MAP2K5: variants seen among roughly 807,000 people sequenced by gnomAD.
MAP2K5 encodes the protein dual specificity mitogen-activated protein kinase kinase 5.
In MAP2K5, 49 loss-of-function variants were observed where a neutral mutation model predicts 83.1. That is an observed-to-expected ratio of 0.59 (90% CI 0.47 to 0.75). The LOEUF is 0.75. MAP2K5 is among the 30% of genes least tolerant of loss of function. The pLI, the probability that MAP2K5 is intolerant of heterozygous loss-of-function variation, is 0.00. For missense variants in MAP2K5, 457 were observed against 557.5 expected (o/e 0.82, Z 1.82); for synonymous variants, 202 against 191.8 (o/e 1.05, Z -0.44).
rs950963347 is a variant in MAP2K5, at chr15:67,698,376, TG to T, written c.972+4814del. On this transcript the variant is annotated intron_variant, in intron 15 of 21. Transcript: ENST00000178640. This position sits in a 1 kb window ranked among gnomAD's most constrained non-coding sequence, Gnocchi z 4.5. ...CTAATTTTTGTATTTTTAGTAGAGA[TG>T]GGGGGTTGCGCCATGTTGGCCATGC... 6.6e-6 allele frequency among the ~76,000 whole-genome samples: 1 copy of T among 151,840 alleles called. No individual in the cohort carries two copies. Among genetic ancestry groups the T allele is most frequent in the Non-Finnish European group, 1.5e-5 (1 of 67,938 alleles).
chr15:67,675,808 G>A (rs1036115274), intron 13 of MAP2K5, among the ~76,000 whole-genome samples: 3 of 152,076 alleles, frequency 2.0e-5, no homozygotes, highest in African/African-American at 7.2e-5. Flanking sequence ...ATGCTTCTGT[G>A]GTAGGATTTG....
At chr15:67,619,896 G>A (rs1051188789) in intron 8 of MAP2K5, among the ~76,000 whole-genome samples, 11 of 152,012 alleles carry the variant, frequency 7.2e-5, no homozygotes, top group Non-Finnish European at 1.0e-4. Context: ...TGAGACCTCC[G>A]TTCTGCAAAA....
At position 67,775,455 on chromosome 15, in the gene MAP2K5, C is replaced by G. The variant is rs895302376; in HGVS notation, c.1242+2703C>G. Among the ~76,000 whole-genome samples, 1 of 152,192 alleles carries G rather than the reference C, an allele frequency of 6.6e-6. No homozygotes were observed. The highest frequency in any genetic ancestry group is 6.5e-5 in the Admixed American group (1 of 15,278). On this transcript the variant is annotated intron_variant, in intron 21 of 21. Coordinates refer to ENST00000178640, the MANE Select transcript of MAP2K5 (RefSeq NM_145160.3). This position sits in a 1 kb window ranked among gnomAD's most constrained non-coding sequence, Gnocchi z 5.3. ...CATGAAGCTACATCAGAAGTGCTCTCAAAAGTTTTATCAGCATCTGCATCA... is the reference window on the plus strand; with the variant it reads ...CATGAAGCTACATCAGAAGTGCTCTGAAAAGTTTTATCAGCATCTGCATCA...
intron 12 of MAP2K5, among the ~76,000 whole-genome samples, chr15:67,662,734 T>G (rs1221522499): frequency 1.3e-5 from 2 of 152,140 alleles, no homozygotes; most frequent in African/African-American, 4.8e-5. Flanking sequence ...CAGTATCTCA[T>G]TCAACTAATT....
intron 7 of MAP2K5, among the ~76,000 whole-genome samples, chr15:67,594,670 A>T (rs1596617122): frequency 6.6e-6 from 1 of 152,150 alleles, no homozygotes; most frequent in Non-Finnish European, 1.5e-5. Context: ...ATATGGTGGG[A>T]GGTTGTCCTG....
At chr15:67,582,176 C>T (rs1417945118) in intron 4 of MAP2K5, among the ~76,000 whole-genome samples, 1 of 151,710 alleles carries the variant, frequency 6.6e-6, no homozygotes, top group African/African-American at 2.4e-5. Flanking sequence ...ATTCTCCTGC[C>T]TCAGCCTCCT....
chr15:67,699,049 G>A (rs1413691588), intron 15 of MAP2K5, among the ~76,000 whole-genome samples: 1 of 152,036 alleles, frequency 6.6e-6, no homozygotes, highest in African/African-American at 2.4e-5. Context: ...GCAATTTAAT[G>A]AGGACATCAG....
At chr15:67,728,022 C>A in intron 17 of MAP2K5, 77 bp downstream of exon 17, 3 of 1,174,526 alleles carry the variant, frequency 2.6e-6, no homozygotes, top group Non-Finnish European at 2.6e-6. Context: ...CAATTGTGAA[C>A]ATTTGAGCCA....
At chr15:67,756,810 C>T (rs372393331) in intron 19 of MAP2K5, among the ~76,000 whole-genome samples, 1 of 152,074 alleles carries the variant, frequency 6.6e-6, no homozygotes, top group South Asian at 2.1e-4. Flanking sequence ...GTCTGACTTA[C>T]TTCACTTAGC....
chr15:67,547,907 AC>A (rs1241677576), intron 1 of MAP2K5, among the ~76,000 whole-genome samples: 1 of 152,220 alleles, frequency 6.6e-6, no homozygotes, highest in Non-Finnish European at 1.5e-5. Context: ...AGTAGATATT[AC>A]TGATGTTTAA....
rs2090262671 is a variant in MAP2K5, at chr15:67,777,616, C to A, written c.1242+4864C>A. On this transcript the variant is annotated intron_variant, in intron 21 of 21. Coordinates refer to ENST00000178640, the MANE Select transcript of MAP2K5 (RefSeq NM_145160.3). The surrounding 1 kb of genome is among the most constrained non-coding windows in gnomAD (Gnocchi z 6.0). ...ATGCGTGAGGCACAGCTGGATATTG[C>A]AGAGGAGTTTGATTTACTAATAGTT... Among the ~76,000 whole-genome samples the A allele has an allele frequency of 2.0e-5, 3 of 152,178 alleles. No homozygotes were observed. The highest frequency in any genetic ancestry group is 2.0e-4 in the Admixed American group (3 of 15,278).
rs1182109144 is a variant in MAP2K5 at position 67,806,842 on chromosome 15, G to A, written c.*92G>A. The A allele has an allele frequency of 1.3e-6, 2 of 1,596,896 alleles. No homozygotes were observed. The highest frequency in any genetic ancestry group is 1.3e-5 in the African/African-American group (1 of 74,888). On this transcript the variant is annotated 3_prime_UTR_variant, in exon 22 of 22. Coordinates refer to ENST00000178640, the MANE Select transcript of MAP2K5 (RefSeq NM_145160.3). Reference sequence around the variant, plus strand: ...TCCGTATGCTGCCTGCGCCAGAAGAGCTTTGCTGGGCCCTGGCTTCCCTGC... The same window carrying A: ...TCCGTATGCTGCCTGCGCCAGAAGAACTTTGCTGGGCCCTGGCTTCCCTGC...
intron 13 of MAP2K5, among the ~76,000 whole-genome samples, chr15:67,681,431 T>G (rs2087814086): frequency 6.6e-6 from 1 of 152,202 alleles, no homozygotes; most frequent in African/African-American, 2.4e-5. Flanking sequence ...AGCGGCACCT[T>G]CCAGGGCATC....
At chr15:67,554,289 G>T (rs186206542) in intron 2 of MAP2K5, among the ~76,000 whole-genome samples, 2 of 152,242 alleles carry the variant, frequency 1.3e-5, no homozygotes, top group Admixed American at 6.5e-5. Flanking sequence ...GAACTCCTGG[G>T]CTCAAGCAAT....
intron 13 of MAP2K5, among the ~76,000 whole-genome samples, chr15:67,673,221 T>C (rs2087591480): frequency 6.6e-6 from 1 of 152,090 alleles, no homozygotes; most frequent in South Asian, 2.1e-4. Context: ...ATCTTTTTGT[T>C]GTGAAACAAT....
In MAP2K5 at chr15:67,598,137, G is replaced by A. The variant is rs145855898; in HGVS notation, c.481-2548G>A. Reference sequence around the variant, plus strand: ...GGAGAATCATTTGAACTTGAGATGTGGAGTTTGCAGTGAGCCAAGTTCACA... The same window carrying A: ...GGAGAATCATTTGAACTTGAGATGTAGAGTTTGCAGTGAGCCAAGTTCACA... On this transcript the variant is annotated intron_variant, in intron 7 of 21. Transcript: ENST00000178640. 3.7e-3 allele frequency among the ~76,000 whole-genome samples: 565 copies of A among 152,064 alleles called. 4 individuals carry two copies. The highest frequency in any genetic ancestry group is 0.013 in the African/African-American group (542 of 41,478).
At chr15:67,554,806 G>T (rs1448666215) in intron 2 of MAP2K5, among the ~76,000 whole-genome samples, 3 of 152,196 alleles carry the variant, frequency 2.0e-5, no homozygotes, top group Non-Finnish European at 4.4e-5. Flanking sequence ...TGAGTGGAAC[G>T]TTATGTGTGT....
intron 21 of MAP2K5, among the ~76,000 whole-genome samples, chr15:67,784,220 G>A (rs2090376986): frequency 1.3e-5 from 2 of 152,082 alleles, no homozygotes; most frequent in Non-Finnish European, 1.5e-5. Context: ...TAATTTCCTT[G>A]CCTAGAGTCA....
At position 67,595,644 on chromosome 15, in the gene MAP2K5, TA is replaced by T. The variant is rs1340496800; in HGVS notation, c.480+2677del. On this transcript the variant is annotated intron_variant, in intron 7 of 21. Transcript: ENST00000178640. ...CATTAATATATTAAATCAAGCACTTTAAAAAAAGTTTAACACTTAGTCTTTG... is the reference window on the plus strand; with the variant it reads ...CATTAATATATTAAATCAAGCACTTTAAAAAAGTTTAACACTTAGTCTTTG... Among the ~76,000 whole-genome samples the T allele has an allele frequency of 3.9e-5, 6 of 152,346 alleles. No individual in the cohort carries two copies. In the East Asian group the frequency reaches 1.2e-3, roughly 29 times the overall value.
Sources: allele counts gnomAD v4.1 joint callset (sites outside exome capture counted in the v4.1 genomes callset), GRCh38; gene constraint gnomAD v4.1.1; non-coding constraint Gnocchi (gnomAD v3.1); transcripts MANE v1.5; gene names NCBI Gene and HGNC (gene_info 2026-07-23, HGNC 2026-07-21).